Variants in TEX14 observed in about 807,000 individuals in gnomAD.
TEX14 encodes the protein inactive serine/threonine-protein kinase TEX14.
TEX14 carries 168 observed loss-of-function variants against 178.6 expected under a neutral mutation model. That is an observed-to-expected ratio of 0.94 (90% CI 0.83 to 1.07). The LOEUF is 1.07. TEX14 is among the 50% of genes least tolerant of loss of function. TEX14 has a pLI of 0.00. For missense variants in TEX14, 1,730 were observed against 1,753.6 expected (o/e 0.99, Z 0.24); for synonymous variants, 626 against 634.1 (o/e 0.99, Z 0.19).
At position 58,589,237 on chromosome 17, in the gene TEX14, T is replaced by G. The variant is rs139799716; in HGVS notation, c.2577-1216A>C. The stretch of plus-strand genomic sequence containing the variant: ...GAGATCACACCACTGCACTCCAGCC[T>G]GGGTGACAGAGCGAGACTCTATTTC... On this transcript the variant is annotated intron_variant, in intron 15 of 31. Transcript: ENST00000349033. Among the ~76,000 whole-genome samples the G allele has an allele frequency of 5.8e-3, 857 of 147,264 alleles. 5 individuals are homozygous for G. Among genetic ancestry groups the G allele is most frequent in the African/African-American group, 9.4e-3 (373 of 39,540 alleles).
At position 58,581,547 on chromosome 17, in the gene TEX14, A is replaced by G; in HGVS notation, c.3172-1816T>C. ...CTTTGATATGTAAGCTATTTTTCTC[A>G]ATAAAAGAAATAAGGCAATGGAGAA... On this transcript the variant is annotated intron_variant, in intron 19 of 31. Transcript: ENST00000349033. 5.1e-6 allele frequency: 8 copies of G among 1,568,658 alleles called. No individual in the cohort carries two copies. In the South Asian group the frequency reaches 9.4e-5, roughly 18 times the overall value.
At chr17:58,595,349 G>A (rs2045254227) in intron 14 of TEX14, among the ~76,000 whole-genome samples, 1 of 152,148 alleles carries the variant, frequency 6.6e-6, no homozygotes. Context: ...CTATGTACTA[G>A]TAGATTGTTT....
chr17:58,620,554 T>C (rs1386017294), intron 5 of TEX14, among the ~76,000 whole-genome samples: 3 of 151,908 alleles, frequency 2.0e-5, no homozygotes, highest in Non-Finnish European at 4.4e-5. Context: ...AGTGCAGTGG[T>C]GCGATCTCGG....
intron 1 of TEX14, among the ~76,000 whole-genome samples, chr17:58,685,952 A>G (rs1407897577): frequency 7.2e-6 from 1 of 139,230 alleles, no homozygotes; most frequent in Non-Finnish European, 1.5e-5. Context: ...CCGAGATCAC[A>G]CCACCGCACT....
At chr17:58,581,793 T>C in intron 19 of TEX14, 3 of 1,573,396 alleles carry the variant, frequency 1.9e-6, no homozygotes, top group Non-Finnish European at 2.6e-6. Flanking sequence ...CCCTTTATAG[T>C]TGGATGCAGT....
At chr17:58,576,024 A>G (rs1057253508) in intron 21 of TEX14, among the ~76,000 whole-genome samples, 6 of 152,240 alleles carry the variant, frequency 3.9e-5, no homozygotes, top group African/African-American at 1.4e-4. Flanking sequence ...TGCCTGGCAT[A>G]TGCTAGATAT....
intron 2 of TEX14, chr17:58,631,706 A>AAC (rs1270102305): frequency 1.3e-5 from 2 of 151,190 alleles, no homozygotes; most frequent in Non-Finnish European, 2.9e-5. Flanking sequence ...AGAATAACGC[A>AAC]ACACCAAACA....
rs192369207 is a variant in TEX14 at position 58,571,914 on chromosome 17, T to A, written c.3717+7A>T. On this transcript the variant is annotated splice_region_variant and intron_variant, in intron 24 of 31. Coordinates refer to ENST00000349033, the MANE Select transcript of TEX14 (RefSeq NM_031272.5). The stretch of plus-strand genomic sequence containing the variant: ...ATGAGTTTGTAACGTGGAATTGATA[T>A]ACTTACAAGACCAGTCAGTCTTGAA... 1 of 1,612,304 alleles carries A rather than the reference T, an allele frequency of 6.2e-7. No homozygotes were observed. Among genetic ancestry groups the A allele is most frequent in the Admixed American group, 1.7e-5 (1 of 60,022 alleles).
chr17:58,567,685 A>G (rs911351072), intron 26 of TEX14: 25 of 152,194 alleles, frequency 1.6e-4, no homozygotes, highest in African/African-American at 6.0e-4. Flanking sequence ...ATCAGAAGAA[A>G]CTACTCAAGT....
intron 21 of TEX14, among the ~76,000 whole-genome samples, chr17:58,575,113 CT>C (rs200915772): frequency 0.13 from 17,826 of 135,328 alleles, 1,324 homozygotes; most frequent in East Asian, 0.28. Context: ...CATGTTTTCA[CT>C]TTTTTTTTTT....
At chr17:58,676,327 G>A (rs776027575) in intron 1 of TEX14, among the ~76,000 whole-genome samples, 1 of 151,726 alleles carries the variant, frequency 6.6e-6, no homozygotes, top group Non-Finnish European at 1.5e-5. Context: ...AGTAAGCCAA[G>A]ATCACAGCAT....
At chr17:58,673,201 C>T (rs2047331960) in intron 1 of TEX14, among the ~76,000 whole-genome samples, 1 of 151,666 alleles carries the variant, frequency 6.6e-6, no homozygotes, top group African/African-American at 2.4e-5. Context: ...TATTGTAGGG[C>T]AGGGCGCGGT....
Position 58,574,195 on chromosome 17 carries a change from CT to C in TEX14, c.3374del (p.Glu1125GlyfsTer6), listed in dbSNP as rs779107450. The C allele has an allele frequency of 1.9e-6, 3 of 1,613,178 alleles. No individual in the cohort carries two copies. Among genetic ancestry groups the C allele is most frequent in the Non-Finnish European group, 2.5e-6 (3 of 1,179,188 alleles). On this transcript the variant is annotated frameshift_variant, in exon 22 of 32. Coordinates refer to ENST00000349033, the MANE Select transcript of TEX14 (RefSeq NM_031272.5). LOFTEE classifies it high-confidence loss of function. The part of the protein sequence containing the change: ...TSKESPKELK[E>X]KDISLTDIQD... Reference sequence around the variant, plus strand: ...CTCTTTGGTGATCATACATGTCTTTCTCTTTCAGTTCCTTTGGTGACTCCTT... The same window carrying C: ...CTCTTTGGTGATCATACATGTCTTTCCTTTCAGTTCCTTTGGTGACTCCTT...
At chr17:58,576,233 C>T (rs1353938562) in intron 21 of TEX14, among the ~76,000 whole-genome samples, 1 of 152,204 alleles carries the variant, frequency 6.6e-6, no homozygotes, top group Non-Finnish European at 1.5e-5. Context: ...CGCCTGTAAT[C>T]CCAGCACTTT....
intron 1 of TEX14, among the ~76,000 whole-genome samples, chr17:58,684,882 A>G (rs1288773575): frequency 2.0e-5 from 3 of 152,092 alleles, no homozygotes; most frequent in Admixed American, 6.6e-5. Flanking sequence ...AGGCTGTGGC[A>G]TAAGAATTGC....
At chr17:58,662,885 T>G (rs1271392023) in intron 1 of TEX14, among the ~76,000 whole-genome samples, 1 of 151,572 alleles carries the variant, frequency 6.6e-6, no homozygotes, top group African/African-American at 2.4e-5. Flanking sequence ...TTTGGAAGGC[T>G]GAGACGGGTG....
At chr17:58,605,349 C>A (rs1270679655) in intron 10 of TEX14, among the ~76,000 whole-genome samples, 1 of 152,190 alleles carries the variant, frequency 6.6e-6, no homozygotes, top group African/African-American at 2.4e-5. Context: ...TGTGTGTCAC[C>A]AGGCCCGGCT....
intron 28 of TEX14, among the ~76,000 whole-genome samples, chr17:58,563,654 TATATAGAGAG>T (rs1311296340): frequency 6.5e-4 from 13 of 20,060 alleles, no homozygotes; most frequent in Non-Finnish European, 8.5e-4. Context: ...TATATATATA[TATATAGAGAG>T]AGAGAGAGAG....
intron 5 of TEX14, among the ~76,000 whole-genome samples, chr17:58,618,847 A>G (rs2045934249): frequency 6.6e-6 from 1 of 152,252 alleles, no homozygotes; most frequent in Admixed American, 6.5e-5. Flanking sequence ...AGACTGAGAT[A>G]AACTGAGCAT....
Sources: gnomAD v4.1 joint callset for allele counts (sites outside exome capture counted in the v4.1 genomes callset) on GRCh38, gnomAD v4.1.1 for gene constraint, MANE v1.5 for transcripts, NCBI Gene and HGNC (gene_info 2026-07-23, HGNC 2026-07-21) for gene names.